EPCAM: variants seen among roughly 807,000 people sequenced by gnomAD.
EPCAM encodes the protein adenocarcinoma-associated antigen.
EPCAM carries 39 observed loss-of-function variants against 40.0 expected under a neutral mutation model. That is an observed-to-expected ratio of 0.98 (90% CI 0.76 to 1.27). The LOEUF (loss-of-function observed/expected upper bound fraction) is 1.27. EPCAM is among the 50% of genes most tolerant of loss of function. EPCAM has a pLI of 0.00. For synonymous variants in EPCAM, 168 were observed against 132.3 expected, an observed-to-expected ratio of 1.27 and a Z score of -1.85; for missense variants, 503 against 381.2, an observed-to-expected ratio of 1.32 and a Z score of -2.66.
chr2:47,370,847 C>T (rs924749296), intron 1 of EPCAM, among the ~76,000 whole-genome samples: 2 of 152,110 alleles, frequency 1.3e-5, no homozygotes, highest in African/African-American at 4.8e-5. Flanking sequence ...TCCCGAGTAG[C>T]TGGGACTACA....
At chr2:47,383,823 G>T (rs542083655) in intron 7 of EPCAM, among the ~76,000 whole-genome samples, 1 of 150,952 alleles carries the variant, frequency 6.6e-6, no homozygotes, top group South Asian at 2.1e-4. Context: ...TTCTAGTAGA[G>T]ATAGGGTTTC....
In EPCAM at chr2:47,373,944, C is replaced by T. The variant is rs201970884; in HGVS notation, c.321C>T (p.Ala107=). 3 of 1,614,030 alleles carry T rather than the reference C, an allele frequency of 1.9e-6. No homozygotes were observed. The highest frequency in any genetic ancestry group is 1.3e-5 in the African/African-American group (1 of 74,988). ...PDCDESGLFK[A]KQCNGTSMCW... is the part of the protein sequence containing the mutation. The stretch of plus-strand genomic sequence containing the variant: ...GCGATGAGAGCGGGCTCTTTAAGGC[C>T]AAGCAGTGCAACGGCACCTCCATGT... Residue 107 remains alanine, a synonymous_variant, in exon 3 of 9, where the codon GCC becomes GCT. Transcript: ENST00000263735.
intron 3 of EPCAM, 74 bp from the exon 4 acceptor site, chr2:47,375,160 T>G: frequency 8.9e-7 from 1 of 1,126,610 alleles, no homozygotes; most frequent in Non-Finnish European, 1.3e-6. Flanking sequence ...TCGAGAATTT[T>G]AGGATTAGCT....
At position 47,371,467 on chromosome 2, in the gene EPCAM, C is replaced by T. The variant is rs1441124833; in HGVS notation, c.76+1886C>T. On this transcript the variant is annotated intron_variant, in intron 1 of 8. Coordinates refer to ENST00000263735, the MANE Select transcript of EPCAM (RefSeq NM_002354.3). ...AAGATGGTGCCTAGAAGTGGAGTGG[C>T]GTTTGCCAAAGGTCTCTGGAAGGGC... Among the ~76,000 whole-genome samples, 14 of 152,244 alleles carry T rather than the reference C, an allele frequency of 9.2e-5. 1 individual carries two copies. In the South Asian group the frequency reaches 2.1e-3, roughly 23 times the overall value.
At chr2:47,375,925 C>T (rs1014451635) in intron 4 of EPCAM, among the ~76,000 whole-genome samples, 11 of 151,958 alleles carry the variant, frequency 7.2e-5, no homozygotes, top group Non-Finnish European at 1.2e-4. Flanking sequence ...AGGCTGGTCT[C>T]GAACTCCTGA....
chr2:47,370,756 G>T (rs763627011), intron 1 of EPCAM, among the ~76,000 whole-genome samples: 26 of 151,346 alleles, frequency 1.7e-4, no homozygotes, highest in Admixed American at 4.6e-4. Context: ...TTGAGACAGA[G>T]TTTCGCTCTT....
intron 7 of EPCAM, among the ~76,000 whole-genome samples, chr2:47,381,135 G>T (rs1671578097): frequency 7.1e-6 from 1 of 140,922 alleles, no homozygotes; most frequent in Non-Finnish European, 1.5e-5. Context: ...AGTGGCTCAT[G>T]CCTGTAATCC....
Position 47,369,355 on chromosome 2 carries a change from C to T in EPCAM, c.-151C>T, listed in dbSNP as rs1671151351. ...GCGAGCGAGCACCTTCGACGCGGTC[C>T]GGGGACCCCCTCGTCGCTGTCCTCC... On this transcript the variant is annotated 5_prime_UTR_variant, in exon 1 of 9. Coordinates refer to ENST00000263735, the MANE Select transcript of EPCAM (RefSeq NM_002354.3). 11 of 1,220,552 alleles carry T rather than the reference C, an allele frequency of 9.0e-6. No individual in the cohort carries two copies. Among genetic ancestry groups the T allele is most frequent in the Non-Finnish European group, 1.2e-5 (11 of 932,790 alleles). The allele number at this position is 1,220,552 out of a possible 1,614,324, so 75.6% of individuals were successfully genotyped here. A position where few individuals can be genotyped will look rare whatever the true frequency, so the allele number is the denominator to read the frequency against.
chr2:47,386,154 T>A (rs996867029), intron 8 of EPCAM, among the ~76,000 whole-genome samples: 3 of 152,226 alleles, frequency 2.0e-5, no homozygotes, highest in Non-Finnish European at 4.4e-5. Context: ...GTGGTAGTTG[T>A]CATTATCATT....
At position 47,377,014 on chromosome 2, in the gene EPCAM, T is replaced by C; in HGVS notation, c.492T>C (p.Thr164=). The C allele has an allele frequency of 6.3e-7, 1 of 1,598,898 alleles. No individual in the cohort carries two copies. Among genetic ancestry groups the C allele is most frequent in the Non-Finnish European group, 8.6e-7 (1 of 1,166,126 alleles). ...AATACAGATTTTAAATTCTTTACAG[T>C]GCACTTCAGAAGGAGATCACAACGC... The part of the protein sequence containing the change: ...EKPYDSKSLR[T]ALQKEITTRY... The change falls in exon 5 of 9, where the codon ACT becomes ACC. Residue 164 remains threonine, a splice_region_variant and synonymous_variant. Coordinates refer to ENST00000263735, the MANE Select transcript of EPCAM (RefSeq NM_002354.3).
At chr2:47,373,635 C>A (rs1248542802) in intron 2 of EPCAM, 65 bp downstream of exon 2, 1 of 1,442,078 alleles carries the variant, frequency 6.9e-7, no homozygotes, top group South Asian at 1.2e-5. Context: ...AATTGATGTG[C>A]CTTGAGTTGG....
rs762123721 is a variant in EPCAM at position 47,369,602 on chromosome 2, G to C, written c.76+21G>C. On this transcript the variant is annotated intron_variant, in intron 1 of 8. Transcript: ENST00000263735. ...GGAAGGTGAGGCGCGGATTGGAGCA[G>C]AGTTGTGGAGCTGGGCTGGGCTGGG... 2.1e-4 allele frequency: 336 copies of C among 1,581,614 alleles called. 1 individual carries two copies. In the East Asian group the frequency reaches 7.6e-3, roughly 36 times the overall value.
At chr2:47,370,233 C>G (rs910785402) in intron 1 of EPCAM, among the ~76,000 whole-genome samples, 1 of 152,092 alleles carries the variant, frequency 6.6e-6, no homozygotes, top group Non-Finnish European at 1.5e-5. Context: ...TTTGAGAATC[C>G]CATAATTAGT....
intron 7 of EPCAM, among the ~76,000 whole-genome samples, chr2:47,382,259 G>C (rs868298957): frequency 3.3e-5 from 5 of 152,208 alleles, no homozygotes; most frequent in African/African-American, 9.6e-5. Flanking sequence ...GGTAGGGATA[G>C]ACAGTTAATA....
At chr2:47,380,524 C>T (rs542164405) in intron 7 of EPCAM, among the ~76,000 whole-genome samples, 19 of 152,104 alleles carry the variant, frequency 1.2e-4, no homozygotes, top group Non-Finnish European at 2.6e-4. Context: ...AGTTAAATTG[C>T]CATCTAGCAG....
intron 5 of EPCAM, among the ~76,000 whole-genome samples, chr2:47,378,544 C>T (rs1301203739): frequency 3.9e-5 from 6 of 151,980 alleles, no homozygotes; most frequent in Admixed American, 1.3e-4. Context: ...TCAGGTGATC[C>T]GCCCACCTCA....
At chr2:47,370,306 C>G (rs1251687481) in intron 1 of EPCAM, among the ~76,000 whole-genome samples, 1 of 152,316 alleles carries the variant, frequency 6.6e-6, no homozygotes, top group African/African-American at 2.4e-5. Flanking sequence ...GAGTCTTGCT[C>G]TGTCGCCCAA....
intron 1 of EPCAM, among the ~76,000 whole-genome samples, chr2:47,371,904 A>G (rs760109848): frequency 6.6e-6 from 1 of 151,834 alleles, no homozygotes; most frequent in Non-Finnish European, 1.5e-5. Flanking sequence ...CAATATAAAA[A>G]CTCTGGTTTG....
At chr2:47,373,606 T>G (rs756491637) in intron 2 of EPCAM, 36 bp downstream of exon 2, 4 of 1,521,552 alleles carry the variant, frequency 2.6e-6, no homozygotes, top group Non-Finnish European at 3.6e-6. Flanking sequence ...TAAGCTTTAT[T>G]TTGACTTAAT....
Sources: allele counts gnomAD v4.1 joint callset (sites outside exome capture counted in the v4.1 genomes callset), GRCh38; gene constraint gnomAD v4.1.1; transcripts MANE v1.5; gene names NCBI Gene and HGNC (gene_info 2026-07-23, HGNC 2026-07-21).